SPTAN1: variants seen among roughly 807,000 people sequenced by gnomAD.
SPTAN1 encodes spectrin alpha, non-erythrocytic 1.
SPTAN1 carries 61 observed loss-of-function variants against 331.3 expected under a neutral mutation model. That is an observed-to-expected ratio of 0.18 (90% CI 0.15 to 0.23). The LOEUF is 0.23. Ranked by LOEUF, SPTAN1 falls within the 10% of genes least tolerant of loss-of-function variation. The pLI is 1.00. For synonymous variants in SPTAN1, 1,153 were observed against 1,173.9 expected (o/e 0.98, Z 0.36); for missense variants, 2,043 against 3,147.9 (o/e 0.65, Z 8.40).
intron 3 of SPTAN1, among the ~76,000 whole-genome samples, chr9:128,574,459 C>T (rs540957603): frequency 2.0e-5 from 3 of 151,936 alleles, no homozygotes; most frequent in Admixed American, 1.3e-4. Flanking sequence ...GATCTACCTA[C>T]TTGTAACTTG....
In SPTAN1 at chr9:128,633,643, A is replaced by G; in HGVS notation, c.*309A>G. On this transcript the variant is annotated 3_prime_UTR_variant, in exon 57 of 57. Transcript: ENST00000372739. ...ATCTGTTTTCATGTAAAAGACAAAT[A>G]AATGATGACTTCCCCCAAAGCTTTG... 1 of 1,380,106 alleles carries G rather than the reference A, an allele frequency of 7.2e-7. No individual in the cohort carries two copies. The highest frequency in any genetic ancestry group is 9.9e-7 in the Non-Finnish European group (1 of 1,008,436). The allele number at this position is 1,380,106 out of a possible 1,614,324, so 85.5% of individuals were successfully genotyped here.
At chr9:128,585,038 G>A (rs1222531043) in intron 18 of SPTAN1, among the ~76,000 whole-genome samples, 195 bp downstream of exon 18, 1 of 139,060 alleles carries the variant, frequency 7.2e-6, no homozygotes, top group Non-Finnish European at 1.5e-5. Flanking sequence ...TTTTTGAGAC[G>A]GGGTCTCACT....
In SPTAN1 at chr9:128,568,830, T is replaced by G. The variant is rs1209480034; in HGVS notation, c.296T>G (p.Ile99Ser). ...EAEVQANSGA[I>S]VKLDETGNLM... Reference sequence around the variant, plus strand: ...GAAGTGCAGGCCAACTCAGGAGCCATTGTTAAGCTGGATGAAACTGGAAAC... The same window carrying G: ...GAAGTGCAGGCCAACTCAGGAGCCAGTGTTAAGCTGGATGAAACTGGAAAC... The change falls in exon 3 of 57, where the codon ATT becomes AGT. Residue 99 changes from isoleucine (I) to serine (S), a missense_variant. This residue lies in a region of SPTAN1 where 1,038 missense variants were observed against 1,531.5 expected (regional missense o/e 0.68). Coordinates refer to ENST00000372739, the MANE Select transcript of SPTAN1 (RefSeq NM_001130438.3). The G allele has an allele frequency of 6.2e-7, 1 of 1,614,084 alleles. No homozygotes were observed. The highest frequency in any genetic ancestry group is 8.5e-7 in the Non-Finnish European group (1 of 1,180,000).
chr9:128,617,988 G>T lies in SPTAN1; in HGVS notation c.5480G>T (p.Gly1827Val). 1.2e-6 allele frequency: 2 copies of T among 1,614,162 alleles called. No individual in the cohort carries two copies. The highest frequency in any genetic ancestry group is 1.7e-6 in the Non-Finnish European group (2 of 1,180,026). ...AACCTCCTCGTCCTTGCCTGTCAGGGTGTCCTGGACACTGGCAAGAAGCTG... is the reference window on the plus strand; with the variant it reads ...AACCTCCTCGTCCTTGCCTGTCAGGTTGTCCTGGACACTGGCAAGAAGCTG... The part of the protein sequence containing the change: ...ELAAHEPAIQ[G>V]VLDTGKKLSD... Residue 1827 changes from glycine to valine, a missense_variant and splice_region_variant, in exon 43 of 57, where the codon GGT becomes GTT. Gly to Val is a moderately radical substitution (Grantham distance 109, BLOSUM62 -3). This residue lies in a region of SPTAN1 where 323 missense variants were observed against 581.1 expected (regional missense o/e 0.56). Coordinates refer to ENST00000372739, the MANE Select transcript of SPTAN1 (RefSeq NM_001130438.3).
At chr9:128,592,291 T>A (rs78157393) in intron 22 of SPTAN1, among the ~76,000 whole-genome samples, 2 of 151,454 alleles carry the variant, frequency 1.3e-5, no homozygotes, top group African/African-American at 4.8e-5. Flanking sequence ...TTTTTTTTTT[T>A]TGAGACAGAT....
At position 128,584,269 on chromosome 9, in the gene SPTAN1, T is replaced by C; in HGVS notation, c.2194-13T>C. On this transcript the variant is annotated splice_polypyrimidine_tract_variant and intron_variant, in intron 16 of 56. Coordinates refer to ENST00000372739, the MANE Select transcript of SPTAN1 (RefSeq NM_001130438.3). Reference sequence around the variant, plus strand: ...CCCAAAGTAAAGTCTGCTCTGTCCTTTTGCATTCCCAGGACCGAATTGATG... The same window carrying C: ...CCCAAAGTAAAGTCTGCTCTGTCCTCTTGCATTCCCAGGACCGAATTGATG... 6.2e-7 allele frequency: 1 copy of C among 1,614,170 alleles called. No homozygotes were observed. Among genetic ancestry groups the C allele is most frequent in the Non-Finnish European group, 8.5e-7 (1 of 1,180,032 alleles).
chr9:128,591,388 G>C, intron 21 of SPTAN1, 89 bp from the exon 22 acceptor site: 2 of 1,563,596 alleles, frequency 1.3e-6, no homozygotes, highest in African/African-American at 2.7e-5. Context: ...TTAAAACAAC[G>C]CTCTCGTGTG....
chr9:128,566,497 C>T (rs1422251269), intron 1 of SPTAN1, among the ~76,000 whole-genome samples: 3 of 152,012 alleles, frequency 2.0e-5, no homozygotes, highest in Non-Finnish European at 2.9e-5. Flanking sequence ...GTTTCCTTGC[C>T]GTGTGTGGGT....
rs76800933 is a variant in SPTAN1 at position 128,593,171 on chromosome 9, T to A, written c.3215+129T>A. The A allele has an allele frequency of 3.5e-4, 355 of 1,013,906 alleles. 1 individual carries two copies. In the East Asian group the frequency reaches 8.7e-3, roughly 25 times the overall value. The allele number at this position is 1,013,906 out of a possible 1,614,324, so 62.8% of individuals were successfully genotyped here. A position where few individuals can be genotyped will look rare whatever the true frequency, so the allele number is the denominator to read the frequency against. On this transcript the variant is annotated intron_variant, in intron 23 of 56. Coordinates refer to ENST00000372739, the MANE Select transcript of SPTAN1 (RefSeq NM_001130438.3). ...GGTGGTGGGAGGAACTGCCTGTCCG[T>A]GCAGCAGCTTTGGCTCACAAGGGAA...
chr9:128,560,483 G>A (rs1483472192), intron 1 of SPTAN1, among the ~76,000 whole-genome samples: 1 of 151,724 alleles, frequency 6.6e-6, no homozygotes, highest in Non-Finnish European at 1.5e-5. Context: ...CAGGCTCAAG[G>A]GATTCTCCAG....
At position 128,607,638 on chromosome 9, in the gene SPTAN1, T is replaced by A. The variant is rs1856060356; in HGVS notation, c.4081T>A (p.Leu1361Met). The A allele has an allele frequency of 6.2e-7, 1 of 1,613,834 alleles. No homozygotes were observed. The highest frequency in any genetic ancestry group is 8.5e-7 in the Non-Finnish European group (1 of 1,180,002). The change falls in exon 32 of 57, where the codon TTG becomes ATG. Residue 1361 changes from leucine (L) to methionine (M), a missense_variant. This residue lies in a region of SPTAN1 where 179 missense variants were observed against 215.7 expected (regional missense o/e 0.83). Coordinates refer to ENST00000372739, the MANE Select transcript of SPTAN1 (RefSeq NM_001130438.3). ...GTCTTGGATCAATGGAATACGGGGG[T>A]TGGTGTCCTCAGATGAGCTAGCCAA... ...LMSWINGIRG[L>M]VSSDELAKDV...
chr9:128,560,129 G>A (rs374248373), intron 1 of SPTAN1, among the ~76,000 whole-genome samples: 2 of 136,458 alleles, frequency 1.5e-5, no homozygotes, highest in East Asian at 4.5e-4. Context: ...TGTCGCCCAG[G>A]CTGGAGTGCA....
chr9:128,618,206 C>G, intron 43 of SPTAN1, 98 bp downstream of exon 43: 1 of 1,554,576 alleles, frequency 6.4e-7, no homozygotes, highest in Non-Finnish European at 8.8e-7. Flanking sequence ...CTCCTACTGT[C>G]TCCTGGACCT....
chr9:128,605,661 T>C (rs1855737574), intron 31 of SPTAN1, among the ~76,000 whole-genome samples, 184 bp downstream of exon 31: 3 of 152,170 alleles, frequency 2.0e-5, no homozygotes, highest in Non-Finnish European at 4.4e-5. Context: ...CTGGGCTACA[T>C]GGCGAAACCC....
intron 26 of SPTAN1, 34 bp from the exon 27 acceptor site, chr9:128,600,046 G>A (rs369536703): frequency 6.2e-7 from 1 of 1,613,746 alleles, no homozygotes; most frequent in African/African-American, 1.3e-5. Context: ...ATGGTCAATT[G>A]CTTGGCTGCC....
At position 128,555,261 on chromosome 9, in the gene SPTAN1, A is replaced by G. The variant is rs1303389845; in HGVS notation, c.-4+2565A>G. The G allele has an allele frequency of 4.1e-6, 4 of 968,300 alleles. 1 individual carries two copies. The Admixed American group carries it at 7.8e-5, about 19-fold the overall frequency. 60.0% of individuals were successfully genotyped at this position (968,300 alleles called of 1,614,324 possible). On this transcript the variant is annotated intron_variant, in intron 1 of 56. Coordinates refer to ENST00000372739, the MANE Select transcript of SPTAN1 (RefSeq NM_001130438.3). ...GAAATTGGATTTTTAATCTGTATTC[A>G]TATTTTTTAAATAATCTGTTTTCTT...
intron 5 of SPTAN1, 110 bp from the exon 6 acceptor site, chr9:128,576,713 C>G: frequency 7.2e-7 from 1 of 1,391,856 alleles, no homozygotes; most frequent in South Asian, 1.2e-5. Context: ...TCTTGTGATT[C>G]TCTTCAGAGT....
Position 128,624,426 on chromosome 9 carries a change from G to C in SPTAN1, c.5931G>C (p.Leu1977=), listed in dbSNP as rs1858425560. ...CTGCAGCCCAGAGAAAGGCGAAGCTGGATGAGAACTCGGCCTTCCTTCAGT... is the reference window on the plus strand; with the variant it reads ...CTGCAGCCCAGAGAAAGGCGAAGCTCGATGAGAACTCGGCCTTCCTTCAGT... ...EKAAAQRKAK[L]DENSAFLQFN... The change falls in exon 46 of 57, where the codon CTG becomes CTC. Residue 1977 remains leucine, a synonymous_variant. Coordinates refer to ENST00000372739, the MANE Select transcript of SPTAN1 (RefSeq NM_001130438.3). 3.1e-6 allele frequency: 5 copies of C among 1,613,902 alleles called. No homozygotes were observed. The highest frequency in any genetic ancestry group is 4.2e-6 in the Non-Finnish European group (5 of 1,180,050).
Position 128,583,275 on chromosome 9 carries a change from C to G in SPTAN1, c.2005C>G (p.Leu669Val). 4 of 1,613,518 alleles carry G rather than the reference C, an allele frequency of 2.5e-6. No individual in the cohort carries two copies. The highest frequency in any genetic ancestry group is 3.4e-6 in the Non-Finnish European group (4 of 1,179,942). ...LWKKLLEATE[L>V]KGIKLREANQ... ...GAAGAAACTGCTAGAGGCCACTGAACTGAAAGGTAAGAGATGTTCCATTGA... is the reference window on the plus strand; with the variant it reads ...GAAGAAACTGCTAGAGGCCACTGAAGTGAAAGGTAAGAGATGTTCCATTGA... The change falls in exon 15 of 57, where the codon CTG (leucine) becomes GTG (valine). Residue 669 changes from leucine (L) to valine (V), a missense_variant. Leu to Val is a conservative substitution (Grantham distance 32). Coordinates refer to ENST00000372739, the MANE Select transcript of SPTAN1 (RefSeq NM_001130438.3).
Sources: gnomAD v4.1 joint callset for allele counts (sites outside exome capture counted in the v4.1 genomes callset) on GRCh38, gnomAD v4.1.1 for gene constraint, gnomAD v4.1.1 regional missense constraint, MANE v1.5 for transcripts, NCBI Gene and HGNC (gene_info 2026-07-23, HGNC 2026-07-21) for gene names.